Variants in CHRM5 observed in about 807,000 individuals in gnomAD.
CHRM5 encodes the protein muscarinic acetylcholine receptor M5.
Under a neutral mutation model 39.0 loss-of-function variants are expected in CHRM5, and 18 were observed. The ratio of observed to expected loss-of-function variants is 0.46; its 90% CI spans 0.32 to 0.68. The LOEUF is 0.68. Among genes scored for constraint, CHRM5 ranks in the 30% least tolerant of loss-of-function variants. The probability of loss-of-function intolerance (pLI) is 0.04; values close to 1 mark genes in which losing one functional copy is unlikely to be tolerated. For missense variants in CHRM5, 515 were observed against 651.1 expected (o/e 0.79, Z 2.28); for synonymous variants, 241 against 246.3 (o/e 0.98, Z 0.20).
rs2140853432 is a variant in CHRM5 at position 34,067,155 on chromosome 15, T to C, written c.*2839T>C. The C allele has an allele frequency of 6.6e-6, 1 of 152,362 alleles. No individual in the cohort carries two copies. The highest frequency in any genetic ancestry group is 1.9e-4 in the East Asian group (1 of 5,182). 9.4% of individuals were successfully genotyped at this position (152,362 alleles called of 1,614,324 possible). A position where few individuals can be genotyped will look rare whatever the true frequency, so the allele number is the denominator to read the frequency against. ...GGATGCTGTTACTTTGCTATCATTG[T>C]AATTTGTTTCCCCTTGGCTGTGAAT... On this transcript the variant is annotated 3_prime_UTR_variant, in exon 3 of 3. Transcript: ENST00000383263.
chr15:33,969,737 G>A (rs1175415770), intron 1 of CHRM5, among the ~76,000 whole-genome samples: 3 of 151,924 alleles, frequency 2.0e-5, no homozygotes, highest in African/African-American at 7.2e-5. Flanking sequence ...TTTTATAACA[G>A]ACTAAATGAA....
At chr15:34,047,496 C>T (rs1379740089) in intron 2 of CHRM5, among the ~76,000 whole-genome samples, 1 of 152,176 alleles carries the variant, frequency 6.6e-6, no homozygotes, top group Admixed American at 6.5e-5. Flanking sequence ...TTTCTGCAGG[C>T]CCCACTTCCC....
chr15:34,001,031 T>C (rs956518753), intron 1 of CHRM5, among the ~76,000 whole-genome samples: 1 of 151,454 alleles, frequency 6.6e-6, no homozygotes, highest in Non-Finnish European at 1.5e-5. Context: ...TTTTTTTTTT[T>C]TTTTTTGAGA....
At chr15:34,038,825 G>C (rs1899303751) in intron 1 of CHRM5, 2 of 1,190,436 alleles carry the variant, frequency 1.7e-6, no homozygotes, top group African/African-American at 3.3e-5. Flanking sequence ...CCCGGCGGCT[G>C]CCTCGCGGGG....
intron 2 of CHRM5, among the ~76,000 whole-genome samples, chr15:34,058,610 A>G (rs1900237803): frequency 6.7e-6 from 1 of 150,252 alleles, no homozygotes. Context: ...AAGTAACCTG[A>G]TGTTAACTAA....
At chr15:34,008,952 G>GCACACACA (rs142138959) in intron 1 of CHRM5, among the ~76,000 whole-genome samples, 1 of 95,516 alleles carries the variant, frequency 1.0e-5, no homozygotes, top group Non-Finnish European at 2.8e-5. Flanking sequence ...ACGTGCGCGC[G>GCACACACA]CGCACACACA....
chr15:34,054,720 T>C (rs1900063109), intron 2 of CHRM5, among the ~76,000 whole-genome samples: 1 of 151,970 alleles, frequency 6.6e-6, no homozygotes, highest in Admixed American at 6.6e-5. Context: ...TCAAGAAGAA[T>C]AGGTAATAGA....
At chr15:34,013,647 A>G (rs1396519610) in intron 1 of CHRM5, among the ~76,000 whole-genome samples, 4 of 152,246 alleles carry the variant, frequency 2.6e-5, no homozygotes, top group Non-Finnish European at 4.4e-5. Flanking sequence ...GTGCTGTGGG[A>G]AACACGGAGA....
At chr15:34,020,764 C>T (rs781623607) in intron 1 of CHRM5, among the ~76,000 whole-genome samples, 19 of 152,172 alleles carry the variant, frequency 1.2e-4, no homozygotes, top group South Asian at 1.0e-3. Flanking sequence ...GGCCAAATTT[C>T]GTAAGACACA....
intron 1 of CHRM5, chr15:34,018,174 T>G (rs752618259): frequency 6.6e-6 from 1 of 152,222 alleles, no homozygotes; most frequent in Non-Finnish European, 1.5e-5. Flanking sequence ...AAGAAGGCAT[T>G]GTTACATAGG....
intron 1 of CHRM5, among the ~76,000 whole-genome samples, chr15:34,003,465 T>A (rs1000114881): frequency 3.3e-5 from 5 of 152,220 alleles, no homozygotes; most frequent in Non-Finnish European, 5.9e-5. Context: ...CTAAAATTTA[T>A]CCCTATGTAT....
chr15:34,000,320 T>C (rs1897090071), intron 1 of CHRM5, among the ~76,000 whole-genome samples: 1 of 152,238 alleles, frequency 6.6e-6, no homozygotes, highest in Non-Finnish European at 1.5e-5. Context: ...CACCACTCTA[T>C]GTCCAGCCTC....
intron 1 of CHRM5, among the ~76,000 whole-genome samples, chr15:34,032,622 C>T (rs1312733940): frequency 1.3e-5 from 2 of 151,742 alleles, no homozygotes; most frequent in Non-Finnish European, 2.9e-5. Flanking sequence ...GTGCACATAC[C>T]TAGGGGTTCA....
chr15:34,046,986 C>G (rs1269654051), intron 2 of CHRM5, 115 bp downstream of exon 2: 2 of 152,236 alleles, frequency 1.3e-5, no homozygotes, highest in Non-Finnish European at 2.9e-5. Flanking sequence ...AGGTCCAACA[C>G]ACAGAGCTGT....
At chr15:34,036,138 C>T (rs1232767972) in intron 1 of CHRM5, among the ~76,000 whole-genome samples, 3 of 151,790 alleles carry the variant, frequency 2.0e-5, no homozygotes, top group Non-Finnish European at 4.4e-5. Context: ...GTATCTAGTA[C>T]AATAATGCTT....
intron 1 of CHRM5, among the ~76,000 whole-genome samples, chr15:34,007,300 TA>T (rs557392998): frequency 5.2e-4 from 79 of 152,214 alleles, no homozygotes; most frequent in African/African-American, 1.9e-3. Context: ...AAAAATGAAA[TA>T]AAAAAATGAA....
At chr15:34,023,027 A>C (rs1488525658) in intron 1 of CHRM5, among the ~76,000 whole-genome samples, 7 of 152,152 alleles carry the variant, frequency 4.6e-5, no homozygotes, top group Non-Finnish European at 1.5e-5. Flanking sequence ...TCTCTACTAA[A>C]AACACAAAAA....
intron 1 of CHRM5, among the ~76,000 whole-genome samples, chr15:33,997,060 T>G (rs1282848641): frequency 6.6e-6 from 1 of 152,122 alleles, no homozygotes; most frequent in Non-Finnish European, 1.5e-5. Context: ...TAGCAAACAA[T>G]AAAATGTAAC....
At position 34,017,483 on chromosome 15, in the gene CHRM5, T is replaced by G. The variant is rs11072872; in HGVS notation, c.-407-29057T>G. ...AGTGATTTCAGTATGATTTTTTTTTTGTTTTTTTTTTTTTTTTGAGACAGG... is the reference window on the plus strand; with the variant it reads ...AGTGATTTCAGTATGATTTTTTTTTGGTTTTTTTTTTTTTTTTGAGACAGG... On this transcript the variant is annotated intron_variant, in intron 1 of 2. Transcript: ENST00000383263. 5.5e-3 allele frequency among the ~76,000 whole-genome samples: 248 copies of G among 44,900 alleles called. 4 individuals carry two copies. Among genetic ancestry groups the G allele is most frequent in the East Asian group, 0.01 (8 of 790 alleles). 29.5% of individuals were successfully genotyped at this position (44,900 alleles called of 152,430 possible).
Sources: allele counts gnomAD v4.1 joint callset (sites outside exome capture counted in the v4.1 genomes callset), GRCh38; gene constraint gnomAD v4.1.1; transcripts MANE v1.5; gene names NCBI Gene and HGNC (gene_info 2026-07-23, HGNC 2026-07-21).